The following PKP1 variants were observed in gnomAD, a reference collection of about 807,000 sequenced individuals.
The protein encoded by PKP1 is plakophilin 1, also known as plakophilin-1.
A neutral mutation model predicts 76.4 loss-of-function variants in PKP1; 27 were observed. The ratio of observed to expected loss-of-function variants is 0.35; its 90% CI spans 0.26 to 0.49. The LOEUF (loss-of-function observed/expected upper bound fraction) is 0.49. Among genes scored for constraint, PKP1 ranks in the 20% least tolerant of loss-of-function variants. The pLI is 0.99. For synonymous variants in PKP1, 404 were observed against 384.2 expected (o/e 1.05, Z -0.60); for missense variants, 964 against 955.2 (o/e 1.01, Z -0.12).
intron 8 of PKP1, 141 bp from the exon 9 acceptor site, chr1:201,322,872 C>T: frequency 1.2e-6 from 1 of 806,920 alleles, no homozygotes; most frequent in Non-Finnish European, 2.0e-6. Flanking sequence ...TGTCCTGGGC[C>T]CCCTGCCTCT....
Position 201,293,236 on chromosome 1 carries a change from G to A in PKP1, c.203-706G>A, listed in dbSNP as rs376394814. On this transcript the variant is annotated intron_variant, in intron 1 of 13. Coordinates refer to ENST00000367324, the MANE Select transcript of PKP1 (RefSeq NM_001005337.3). ...GAGATGAGGGGGGTGGCCCCACTAG[G>A]AGCCCCAAATCCAGTTCTGTTTTCT... Among the ~76,000 whole-genome samples, 3 of 152,176 alleles carry A rather than the reference G, an allele frequency of 2.0e-5. 1 individual carries two copies. The highest frequency in any genetic ancestry group is 4.1e-4 in the South Asian group (2 of 4,828).
At chr1:201,308,190 C>T (rs1038007732) in intron 2 of PKP1, among the ~76,000 whole-genome samples, 2 of 151,464 alleles carry the variant, frequency 1.3e-5, no homozygotes, top group Non-Finnish European at 1.5e-5. Context: ...GACCCCATGC[C>T]GTGCACCGGC....
At chr1:201,290,583 A>G (rs1376666294) in intron 1 of PKP1, among the ~76,000 whole-genome samples, 2 of 152,072 alleles carry the variant, frequency 1.3e-5, no homozygotes, top group Non-Finnish European at 2.9e-5. Context: ...CCCACTCACC[A>G]GGGACCTCTT....
At position 201,283,628 on chromosome 1, in the gene PKP1, G is replaced by A; in HGVS notation, c.-75G>A. 1 of 1,326,886 alleles carries A rather than the reference G, an allele frequency of 7.5e-7. No homozygotes were observed. Among genetic ancestry groups the A allele is most frequent in the Non-Finnish European group, 1.1e-6 (1 of 941,112 alleles). 82.2% of individuals were successfully genotyped at this position (1,326,886 alleles called of 1,614,324 possible). ...GAGCGAGAAGAGCACGCTCCTGCCCGCCCGCTGCACCGCACCTCGCCTCGC... is the reference window on the plus strand; with the variant it reads ...GAGCGAGAAGAGCACGCTCCTGCCCACCCGCTGCACCGCACCTCGCCTCGC... On this transcript the variant is annotated 5_prime_UTR_variant, in exon 1 of 14. Transcript: ENST00000367324.
In PKP1 at chr1:201,320,333, C is replaced by G; in HGVS notation, c.1299C>G (p.Leu433=). The change falls in exon 7 of 14, where the codon CTC becomes CTG. Residue 433 remains leucine (L), a synonymous_variant. Transcript: ENST00000367324. ...MRNYSGLIDS[L]MAYVQNCVAA... is the part of the protein sequence containing the mutation. ...ACTACTCAGGGCTCATTGATTCCCT[C>G]ATGGCCTATGTCCAGAACTGTGTAG... The G allele has an allele frequency of 1.2e-6, 2 of 1,614,160 alleles. No homozygotes were observed. Among genetic ancestry groups the G allele is most frequent in the Non-Finnish European group, 1.7e-6 (2 of 1,179,970 alleles).
intron 2 of PKP1, among the ~76,000 whole-genome samples, chr1:201,302,783 C>T (rs900296401): frequency 6.6e-6 from 1 of 152,286 alleles, no homozygotes; most frequent in African/African-American, 2.4e-5. Context: ...TGCCCAAGGG[C>T]GAGGCCTGGA....
In PKP1 at chr1:201,317,786, C is replaced by A; in HGVS notation, c.1054+7C>A. On this transcript the variant is annotated splice_region_variant and intron_variant, in intron 5 of 13. Coordinates refer to ENST00000367324, the MANE Select transcript of PKP1 (RefSeq NM_001005337.3). ...ATCCAGAAGCAGCTGACTGGTAGGA[C>A]AACACGGCCACCGAGAGCCAGCCTG... 1 of 1,609,792 alleles carries A rather than the reference C, an allele frequency of 6.2e-7. No individual in the cohort carries two copies. The highest frequency in any genetic ancestry group is 8.5e-7 in the Non-Finnish European group (1 of 1,178,522).
At chr1:201,316,848 G>C in intron 4 of PKP1, 151 bp downstream of exon 4, 1 of 791,828 alleles carries the variant, frequency 1.3e-6, no homozygotes, top group Non-Finnish European at 2.1e-6. Context: ...CCCAAGGTTA[G>C]AGCTGGGCAT....
In PKP1 at chr1:201,324,598, T is replaced by C. The variant is rs1400000058; in HGVS notation, c.1834+17T>C. 6.2e-6 allele frequency: 10 copies of C among 1,613,646 alleles called. No individual in the cohort carries two copies. In the South Asian group the frequency reaches 1.1e-4, roughly 18 times the overall value. On this transcript the variant is annotated intron_variant, in intron 10 of 13. Transcript: ENST00000367324. ...GAGTGATGGGTAAGGTCCCTCTCTCTCCTCCCCCTCTAGCTAAGACATGGC... is the reference window on the plus strand; with the variant it reads ...GAGTGATGGGTAAGGTCCCTCTCTCCCCTCCCCCTCTAGCTAAGACATGGC...
At chr1:201,297,380 T>C (rs1056893398) in intron 2 of PKP1, among the ~76,000 whole-genome samples, 2 of 151,986 alleles carry the variant, frequency 1.3e-5, no homozygotes, top group Non-Finnish European at 2.9e-5. Flanking sequence ...AAGCAGCTGG[T>C]GAGATGGAGC....
At chr1:201,294,104 T>A (rs1656008349) in intron 2 of PKP1, 59 bp downstream of exon 2, 3 of 1,192,602 alleles carry the variant, frequency 2.5e-6, no homozygotes, top group Non-Finnish European at 3.7e-6. Flanking sequence ...GTTTGAGGTT[T>A]ATAGTGGAGA....
intron 1 of PKP1, 152 bp from the exon 2 acceptor site, chr1:201,293,790 G>A (rs1655995060): frequency 1.4e-6 from 1 of 690,626 alleles, no homozygotes; most frequent in Admixed American, 2.0e-5. Context: ...GGAGATAGAT[G>A]GAGATGACAT....
intron 3 of PKP1, among the ~76,000 whole-genome samples, chr1:201,314,129 AAGGACAAAT>A (rs1452419377): frequency 3.9e-5 from 6 of 152,224 alleles, no homozygotes; most frequent in African/African-American, 7.2e-5. Context: ...GGTAAATCCA[AAGGACAAAT>A]AGGACAAATA....
At chr1:201,322,936 G>T (rs772322437) in intron 8 of PKP1, 77 bp from the exon 9 acceptor site, 56 of 1,465,104 alleles carry the variant, frequency 3.8e-5, no homozygotes, top group East Asian at 1.8e-4. Context: ...AGGCTGGGGG[G>T]ATGGGGACAG....
At chr1:201,292,102 G>C (rs1655934787) in intron 1 of PKP1, among the ~76,000 whole-genome samples, 1 of 152,212 alleles carries the variant, frequency 6.6e-6, no homozygotes, top group African/African-American at 2.4e-5. Flanking sequence ...CTGGAGTATA[G>C]GGGAGGCCTC....
At chr1:201,301,757 C>T (rs2102162053) in intron 2 of PKP1, among the ~76,000 whole-genome samples, 1 of 150,790 alleles carries the variant, frequency 6.6e-6, no homozygotes, top group South Asian at 2.1e-4. Context: ...TTGGCCCTGA[C>T]AAAAACTAAT....
intron 3 of PKP1, among the ~76,000 whole-genome samples, chr1:201,315,341 G>A (rs531284593): frequency 6.6e-6 from 1 of 152,328 alleles, no homozygotes; most frequent in African/African-American, 2.4e-5. Flanking sequence ...GGTTTTCCTA[G>A]AAATGAAGTT....
intron 2 of PKP1, among the ~76,000 whole-genome samples, chr1:201,301,203 G>A (rs551491575): frequency 2.2e-4 from 33 of 152,328 alleles, no homozygotes; most frequent in African/African-American, 7.5e-4. Context: ...GGAGAGGGAA[G>A]GCCAGGGCAA....
Position 201,323,237 on chromosome 1 carries a change from C to T in PKP1, c.1680+48C>T, listed in dbSNP as rs937087666. 5.1e-6 allele frequency: 8 copies of T among 1,566,582 alleles called. No homozygotes were observed. The African/African-American group carries it at 5.4e-5, about 11-fold the overall frequency. On this transcript the variant is annotated intron_variant, in intron 9 of 13. Transcript: ENST00000367324. ...TACTGCAGCAGCCCCATCCTCCAGC[C>T]ACCGTCCAGCCTCTGCTCCCTCCTT...
Sources: allele counts gnomAD v4.1 joint callset (sites outside exome capture counted in the v4.1 genomes callset), GRCh38; gene constraint gnomAD v4.1.1; transcripts MANE v1.5; gene names NCBI Gene and HGNC (gene_info 2026-07-23, HGNC 2026-07-21).